FER: variants seen among roughly 807,000 people sequenced by gnomAD.
FER encodes the protein tyrosine-protein kinase Fer.
In FER, 63 loss-of-function variants were observed where a neutral mutation model predicts 111.0. The observed-to-expected ratio is 0.57, with a 90% confidence interval of 0.46 to 0.70. The LOEUF (loss-of-function observed/expected upper bound fraction) is 0.70, where lower values mean the gene tolerates loss of function less well. Among genes scored for constraint, FER ranks in the 30% least tolerant of loss-of-function variants. The probability of loss-of-function intolerance (pLI) is 0.00; values close to 1 mark genes in which losing one functional copy is unlikely to be tolerated. For synonymous variants in FER, 327 were observed against 313.9 expected, an observed-to-expected ratio of 1.04 and a Z score of -0.44; for missense variants, 914 against 954.0, an observed-to-expected ratio of 0.96 and a Z score of 0.55.
Position 109,177,823 on chromosome 5 carries a change from A to T in FER, c.2049-2924A>T, listed in dbSNP as rs574113835. On this transcript the variant is annotated intron_variant, in intron 17 of 19. Transcript: ENST00000281092. ...GTTATATCCCTCTGCATGTGGTGAGATATAGCTGTCTCTGATACCTCAGGT... is the reference window on the plus strand; with the variant it reads ...GTTATATCCCTCTGCATGTGGTGAGTTATAGCTGTCTCTGATACCTCAGGT... 5.9e-5 allele frequency among the ~76,000 whole-genome samples: 9 copies of T among 152,312 alleles called. No individual in the cohort carries two copies. The East Asian group carries it at 1.5e-3, about 26-fold the overall frequency.
chr5:109,033,605 T>C (rs1769947666), intron 13 of FER, among the ~76,000 whole-genome samples: 1 of 152,176 alleles, frequency 6.6e-6, no homozygotes, highest in South Asian at 2.1e-4. Flanking sequence ...TGAAATTGAA[T>C]GTCTTTCTCA....
At chr5:108,959,101 T>C (rs1174779509) in intron 12 of FER, 124 bp from the exon 13 acceptor site, 1 of 845,834 alleles carries the variant, frequency 1.2e-6, no homozygotes, top group African/African-American at 1.7e-5. Context: ...TTCAGTAGTG[T>C]TAAGTATATT....
Position 109,192,283 on chromosome 5 carries a change from A to G in FER, c.*4708A>G, listed in dbSNP as rs1381028597. The G allele has an allele frequency of 6.6e-6, 1 of 152,172 alleles. No homozygotes were observed. The highest frequency in any genetic ancestry group is 1.5e-5 in the Non-Finnish European group (1 of 68,026). 9.4% of individuals were successfully genotyped at this position (152,172 alleles called of 1,614,324 possible). A position where few individuals can be genotyped will look rare whatever the true frequency, so the allele number is the denominator to read the frequency against. The stretch of plus-strand genomic sequence containing the variant: ...TGCACCCCCACACAGAGTGTGGAAA[A>G]ATTAAAGTGAAACAAAGATTTGGAC... On this transcript the variant is annotated 3_prime_UTR_variant, in exon 20 of 20. Transcript: ENST00000281092.
chr5:108,866,092 A>G (rs1764023508), intron 5 of FER, among the ~76,000 whole-genome samples: 1 of 152,208 alleles, frequency 6.6e-6, no homozygotes, highest in Admixed American at 6.5e-5. Flanking sequence ...CTGAGTATAT[A>G]CCAAAAATAT....
In FER at chr5:108,808,202, G is replaced by A. The variant is rs115693621; in HGVS notation, c.207+9813G>A. On this transcript the variant is annotated intron_variant, in intron 3 of 19. Coordinates refer to ENST00000281092, the MANE Select transcript of FER (RefSeq NM_005246.4). Reference sequence around the variant, plus strand: ...AGTTTTCTGTCTCAGTGATCTGTCTGATGCTATCAGTGGGGTGTTGTGTGG... The same window carrying A: ...AGTTTTCTGTCTCAGTGATCTGTCTAATGCTATCAGTGGGGTGTTGTGTGG... Among the ~76,000 whole-genome samples the A allele has an allele frequency of 6.2e-3, 936 of 152,088 alleles. 14 individuals carry two copies. Among genetic ancestry groups the A allele is most frequent in the African/African-American group, 0.022 (902 of 41,514 alleles).
chr5:108,755,171 A>G (rs1391537862), intron 1 of FER, among the ~76,000 whole-genome samples: 3 of 152,242 alleles, frequency 2.0e-5, no homozygotes, highest in Admixed American at 2.0e-4. Flanking sequence ...CATTATTTGT[A>G]TACAGGCAAG....
At chr5:109,065,586 G>C (rs776646221) in intron 16 of FER, among the ~76,000 whole-genome samples, 4 of 152,176 alleles carry the variant, frequency 2.6e-5, no homozygotes, top group Non-Finnish European at 5.9e-5. Flanking sequence ...GCTGAGCTTG[G>C]TGGCTCATCC....
chr5:108,987,605 G>T (rs1190685446), intron 13 of FER, among the ~76,000 whole-genome samples: 2 of 152,092 alleles, frequency 1.3e-5, no homozygotes, highest in African/African-American at 2.4e-5. Context: ...GTTGCTGTTG[G>T]TGTGTGGAAG....
intron 17 of FER, among the ~76,000 whole-genome samples, chr5:109,165,984 G>A (rs1316422666): frequency 6.6e-6 from 1 of 152,100 alleles, no homozygotes; most frequent in Non-Finnish European, 1.5e-5. Context: ...TTGTCAGCTG[G>A]CATCCAGCAG....
chr5:109,108,956 A>G lies in FER; in HGVS notation c.2048+8437A>G, dbSNP rs538098731. ...GTTTTAAAATATTGTTCATCATTTT[A>G]TTAAATACAAAAGCACTACAAGAAA... On this transcript the variant is annotated intron_variant, in intron 17 of 19. Coordinates refer to ENST00000281092, the MANE Select transcript of FER (RefSeq NM_005246.4). Among the ~76,000 whole-genome samples, 6 of 152,108 alleles carry G rather than the reference A, an allele frequency of 3.9e-5. No homozygotes were observed. The South Asian group carries it at 1.0e-3, about 26-fold the overall frequency.
At chr5:109,146,137 C>G (rs1754078613) in intron 17 of FER, among the ~76,000 whole-genome samples, 1 of 129,662 alleles carries the variant, frequency 7.7e-6, no homozygotes, top group South Asian at 2.3e-4. Flanking sequence ...TGAATTTAAA[C>G]AACAGAGAGG....
intron 2 of FER, among the ~76,000 whole-genome samples, 180 bp downstream of exon 2, chr5:108,768,418 A>G (rs908196893): frequency 6.6e-6 from 1 of 152,022 alleles, no homozygotes; most frequent in African/African-American, 2.4e-5. Flanking sequence ...TATCCCAATG[A>G]TTTTACCTCA....
intron 18 of FER, 108 bp downstream of exon 18, chr5:109,181,009 T>C: frequency 1.1e-6 from 1 of 877,242 alleles, no homozygotes; most frequent in South Asian, 2.6e-5. Context: ...GTTAGAATGA[T>C]TTGAGGATCA....
chr5:109,023,387 A>T (rs1169460717), intron 13 of FER, among the ~76,000 whole-genome samples: 2 of 152,160 alleles, frequency 1.3e-5, no homozygotes, highest in Non-Finnish European at 2.9e-5. Context: ...CTGAGGTACT[A>T]TTAGACAATC....
In FER at chr5:109,018,015, T is replaced by C. The variant is rs1767421837; in HGVS notation, c.1657-19407T>C. Among the ~76,000 whole-genome samples, 3 of 152,020 alleles carry C rather than the reference T, an allele frequency of 2.0e-5. No individual in the cohort carries two copies. In the South Asian group the frequency reaches 6.2e-4, roughly 32 times the overall value. On this transcript the variant is annotated intron_variant, in intron 13 of 19. Coordinates refer to ENST00000281092, the MANE Select transcript of FER (RefSeq NM_005246.4). ...TATTTTCTAACATCTTACTTTGTAATAGTAGGGAAAGAAAGCATCATGTAT... is the reference window on the plus strand; with the variant it reads ...TATTTTCTAACATCTTACTTTGTAACAGTAGGGAAAGAAAGCATCATGTAT...
At chr5:108,848,245 A>C (rs1362499413) in intron 5 of FER, among the ~76,000 whole-genome samples, 3 of 152,140 alleles carry the variant, frequency 2.0e-5, no homozygotes, top group Non-Finnish European at 4.4e-5. Context: ...ATCTCTTGTA[A>C]ACAGCATATA....
At chr5:109,022,596 G>GC (rs569441172) in intron 13 of FER, among the ~76,000 whole-genome samples, 25 of 152,036 alleles carry the variant, frequency 1.6e-4, no homozygotes, top group Non-Finnish European at 2.9e-4. Context: ...GTGACATTGG[G>GC]CCCCACAAAG....
chr5:109,108,214 A>C (rs550216033), intron 17 of FER, among the ~76,000 whole-genome samples: 1 of 152,294 alleles, frequency 6.6e-6, no homozygotes, highest in Non-Finnish European at 1.5e-5. Context: ...TCATAATGGA[A>C]TAGATTGAGC....
chr5:108,839,976 A>G (rs1394429430), intron 5 of FER, among the ~76,000 whole-genome samples: 1 of 152,116 alleles, frequency 6.6e-6, no homozygotes, highest in Non-Finnish European at 1.5e-5. Flanking sequence ...CAGCCCCAAC[A>G]AGCAGCCTCT....
Sources: gnomAD v4.1 joint callset for allele counts (sites outside exome capture counted in the v4.1 genomes callset) on GRCh38, gnomAD v4.1.1 for gene constraint, MANE v1.5 for transcripts, NCBI Gene and HGNC (gene_info 2026-07-23, HGNC 2026-07-21) for gene names.